The following TADA2A variants were observed in gnomAD, a reference collection of about 807,000 sequenced individuals.
The protein encoded by TADA2A is transcriptional adapter 2-alpha.
A neutral mutation model predicts 67.4 loss-of-function variants in TADA2A; 38 were observed. The ratio of observed to expected loss-of-function variants is 0.56; its 90% confidence interval spans 0.44 to 0.74. TADA2A has a LOEUF of 0.74. TADA2A is among the 30% of genes least tolerant of loss of function. The pLI is 0.00. For synonymous variants in TADA2A, 192 were observed against 181.6 expected, an observed-to-expected ratio of 1.06 and a Z score of -0.46; for missense variants, 454 against 547.0, an observed-to-expected ratio of 0.83 and a Z score of 1.70.
Position 37,467,517 on chromosome 17 carries a change from A to G in TADA2A, c.887A>G (p.Asn296Ser). 1 of 1,613,492 alleles carries G rather than the reference A, an allele frequency of 6.2e-7. No homozygotes were observed. The highest frequency in any genetic ancestry group is 8.5e-7 in the Non-Finnish European group (1 of 1,179,670). ...GAATACAGGACAGCAGGCATTACCA[A>G]TTTTTGTAGTAAGTATGCTTCAGCT... Reference protein sequence around the residue: ...LQEYRTAGITNFCSARTYDHL... With the variant: ...LQEYRTAGITSFCSARTYDHL... Residue 296 changes from asparagine (N) to serine (S), a missense_variant, in exon 12 of 16, where the codon AAT (asparagine) becomes AGT (serine). Around this residue, in one of 2 missense-constraint regions of TADA2A, gnomAD observed 403 missense variants for 455.5 expected, o/e 0.88. Transcript: ENST00000615182.
At chr17:37,424,183 A>G (rs2052333470) in intron 3 of TADA2A, among the ~76,000 whole-genome samples, 1 of 152,082 alleles carries the variant, frequency 6.6e-6, no homozygotes, top group Non-Finnish European at 1.5e-5. Flanking sequence ...CTGTAGTCCT[A>G]GCACTTTTGG....
At chr17:37,454,518 T>C (rs753122142) in intron 8 of TADA2A, 155,021 of 155,168 alleles carry the variant, frequency 1, 77,438 homozygotes, top group Middle Eastern at 1. Flanking sequence ...TGGTCTTGAA[T>C]TCCTGACCTC....
At chr17:37,455,295 CTA>C (rs1442861727) in intron 8 of TADA2A, among the ~76,000 whole-genome samples, 3 of 147,904 alleles carry the variant, frequency 2.0e-5, no homozygotes, top group Non-Finnish European at 4.4e-5. Flanking sequence ...TTTCTTAACC[CTA>C]GAGGTCTTCT....
chr17:37,441,109 A>T (rs973398910), intron 6 of TADA2A, among the ~76,000 whole-genome samples: 13 of 152,040 alleles, frequency 8.6e-5, no homozygotes, highest in African/African-American at 2.7e-4. Context: ...AAAAAAAAAA[A>T]AAAAGAGTCA....
intron 8 of TADA2A, among the ~76,000 whole-genome samples, chr17:37,446,102 GGTTT>G (rs1357308764): frequency 1.7e-3 from 202 of 119,562 alleles, no homozygotes; most frequent in African/African-American, 6.8e-3. Context: ...TTTTTGGGGG[GGTTT>G]TTTTTTTTTT....
rs543514256 is a variant in TADA2A, at chr17:37,473,752, C to A, written c.1073-804C>A. Among the ~76,000 whole-genome samples the A allele has an allele frequency of 3.9e-5, 6 of 152,306 alleles. No individual in the cohort carries two copies. The East Asian group carries it at 1.2e-3, about 29-fold the overall frequency. ...CTCAGGTGTGTGAGTTGACCTCAGC[C>A]CCTGCTTTGCCATATAATGGCTCAT... On this transcript the variant is annotated intron_variant, in intron 14 of 15. Transcript: ENST00000615182.
intron 9 of TADA2A, among the ~76,000 whole-genome samples, chr17:37,459,066 C>T (rs1189288190): frequency 6.6e-6 from 1 of 152,118 alleles, no homozygotes; most frequent in African/African-American, 2.4e-5. Context: ...TCTTACCCTC[C>T]TTAGACCTCA....
intron 10 of TADA2A, among the ~76,000 whole-genome samples, chr17:37,464,739 G>A (rs1481777621): frequency 6.6e-6 from 1 of 150,698 alleles, no homozygotes; most frequent in Non-Finnish European, 1.5e-5. Flanking sequence ...TTGGGAGGCT[G>A]AGACAGGAAA....
At chr17:37,424,458 AT>A in intron 3 of TADA2A, among the ~76,000 whole-genome samples, 1 of 151,692 alleles carries the variant, frequency 6.6e-6, no homozygotes, top group African/African-American at 2.4e-5. Flanking sequence ...GGTTCAAGTG[AT>A]TCTCTTGCCT....
chr17:37,449,055 C>G (rs550538050), intron 8 of TADA2A, among the ~76,000 whole-genome samples: 35 of 151,504 alleles, frequency 2.3e-4, no homozygotes, highest in African/African-American at 8.5e-4. Context: ...GAGTCTCGCT[C>G]TATCGCCTAG....
chr17:37,471,353 G>A (rs1415907272), intron 14 of TADA2A, among the ~76,000 whole-genome samples: 1 of 152,150 alleles, frequency 6.6e-6, no homozygotes, highest in African/African-American at 2.4e-5. Flanking sequence ...AGTATAGACA[G>A]TATAGAGACA....
intron 12 of TADA2A, 90 bp from the exon 13 acceptor site, chr17:37,470,310 C>T: frequency 6.6e-7 from 1 of 1,521,520 alleles, no homozygotes; most frequent in Non-Finnish European, 8.9e-7. Context: ...ACTTTAAGAA[C>T]AAAACCCAAA....
At position 37,466,265 on chromosome 17, in the gene TADA2A, CAA is replaced by C. The variant is rs1269441213; in HGVS notation, c.823+727_823+728del. The stretch of plus-strand genomic sequence containing the variant: ...GTAAAACTCCATCTCTACAAAAATA[CAA>C]AAGTTAGCCAGGCATGGTAGTGCAC... On this transcript the variant is annotated intron_variant, in intron 11 of 15. Transcript: ENST00000615182. Among the ~76,000 whole-genome samples the C allele has an allele frequency of 1.8e-4, 28 of 152,078 alleles. 1 individual carries two copies. Among genetic ancestry groups the C allele is most frequent in the Admixed American group, 1.8e-3 (28 of 15,258 alleles).
chr17:37,471,177 G>A (rs1438213737), intron 14 of TADA2A, 40 bp downstream of exon 14: 1 of 1,605,424 alleles, frequency 6.2e-7, no homozygotes, highest in East Asian at 2.2e-5. Context: ...TAATTGTGAA[G>A]TTTGCATCGT....
At chr17:37,417,845 C>T (rs2052098912) in intron 2 of TADA2A, among the ~76,000 whole-genome samples, 1 of 151,754 alleles carries the variant, frequency 6.6e-6, no homozygotes, top group African/African-American at 2.4e-5. Context: ...TACATAATTT[C>T]AAAAATTAAA....
chr17:37,456,710 G>C (rs2053402540), intron 8 of TADA2A, among the ~76,000 whole-genome samples: 1 of 152,158 alleles, frequency 6.6e-6, no homozygotes, highest in Non-Finnish European at 1.5e-5. Context: ...AGGAACTGGA[G>C]CTTAAAATAG....
intron 4 of TADA2A, among the ~76,000 whole-genome samples, chr17:37,432,073 T>G (rs2052584559): frequency 6.6e-6 from 1 of 152,162 alleles, no homozygotes; most frequent in East Asian, 1.9e-4. Context: ...CAGCGTAGAT[T>G]GGTTTTGCAT....
chr17:37,440,728 TAA>T (rs2052890341), intron 6 of TADA2A, 66 bp downstream of exon 6: 4 of 1,571,868 alleles, frequency 2.5e-6, no homozygotes, highest in Admixed American at 1.8e-5. Flanking sequence ...CAGTAGCAGA[TAA>T]AGAGTGATTT....
intron 4 of TADA2A, among the ~76,000 whole-genome samples, chr17:37,436,874 A>G (rs2052742384): frequency 6.6e-6 from 1 of 151,568 alleles, no homozygotes; most frequent in African/African-American, 2.4e-5. Context: ...GAGCGTACTG[A>G]AATATTTATC....
Sources: gnomAD v4.1 joint callset for allele counts (sites outside exome capture counted in the v4.1 genomes callset) on GRCh38, gnomAD v4.1.1 for gene constraint, gnomAD v4.1.1 regional missense constraint, MANE v1.5 for transcripts, NCBI Gene and HGNC (gene_info 2026-07-23, HGNC 2026-07-21) for gene names.